Variants in MMP16 observed in about 807,000 individuals in gnomAD.
MMP16 encodes matrix metalloproteinase-16.
A neutral mutation model predicts 67.8 loss-of-function variants in MMP16; 12 were observed. The observed-to-expected ratio is 0.18, with a 90% CI of 0.11 to 0.29. The LOEUF (loss-of-function observed/expected upper bound fraction) is 0.29. Among genes scored for constraint, MMP16 ranks in the 10% least tolerant of loss-of-function variants. The probability of loss-of-function intolerance (pLI) is 1.00; values close to 1 mark genes in which losing one functional copy is unlikely to be tolerated. For missense variants in MMP16, 475 were observed against 765.7 expected (o/e 0.62, Z 4.48); for synonymous variants, 249 against 255.9 (o/e 0.97, Z 0.26).
intron 4 of MMP16, among the ~76,000 whole-genome samples, chr8:88,139,574 A>G (rs1391083234): frequency 6.6e-6 from 1 of 152,132 alleles, no homozygotes; most frequent in Non-Finnish European, 1.5e-5. Context: ...TCCACAAAAC[A>G]TGGGAAAAGC....
At chr8:88,116,397 A>C in intron 6 of MMP16, 110 bp downstream of exon 6, 2 of 933,110 alleles carry the variant, frequency 2.1e-6, no homozygotes, top group Non-Finnish European at 3.2e-6. Context: ...TGAACTTTCT[A>C]ACTGTGAGAG....
intron 1 of MMP16, among the ~76,000 whole-genome samples, chr8:88,294,414 A>G (rs1810976043): frequency 7.0e-6 from 1 of 141,964 alleles, no homozygotes; most frequent in South Asian, 2.2e-4. Context: ...ATACATATAT[A>G]CACATATATA....
intron 3 of MMP16, among the ~76,000 whole-genome samples, chr8:88,178,600 C>T (rs1010949619): frequency 6.6e-6 from 1 of 152,072 alleles, no homozygotes; most frequent in African/African-American, 2.4e-5. Flanking sequence ...TTTTCTTACT[C>T]ACCTTATGTG....
At chr8:88,304,838 A>C (rs922628779) in intron 1 of MMP16, among the ~76,000 whole-genome samples, 23 of 152,214 alleles carry the variant, frequency 1.5e-4, no homozygotes, top group African/African-American at 5.6e-4. Flanking sequence ...AGCCACTTAA[A>C]AAACACCCTA....
chr8:88,104,915 T>C (rs1284268386), intron 6 of MMP16, among the ~76,000 whole-genome samples: 2 of 151,456 alleles, frequency 1.3e-5, no homozygotes, highest in South Asian at 2.1e-4. Flanking sequence ...AAAAAGCTTA[T>C]AGAAGTAAAG....
chr8:88,115,196 A>C (rs1809407716), intron 6 of MMP16, among the ~76,000 whole-genome samples: 2 of 152,074 alleles, frequency 1.3e-5, no homozygotes, highest in African/African-American at 4.8e-5. Flanking sequence ...CCAACCCTTC[A>C]GTTTTCATCA....
At chr8:88,116,987 A>G (rs1329646894) in intron 5 of MMP16, among the ~76,000 whole-genome samples, 2 of 152,080 alleles carry the variant, frequency 1.3e-5, no homozygotes, top group African/African-American at 4.8e-5. Context: ...TCATAGCTTC[A>G]CCACAGTTAT....
intron 4 of MMP16, among the ~76,000 whole-genome samples, chr8:88,148,902 G>C (rs4961079): frequency 2.9e-4 from 44 of 152,270 alleles, no homozygotes; most frequent in South Asian, 8.3e-4. Context: ...AGCTCCCAGC[G>C]TGAGCGACGC....
intron 1 of MMP16, among the ~76,000 whole-genome samples, chr8:88,313,844 A>G (rs1253916506): frequency 6.6e-6 from 1 of 152,160 alleles, no homozygotes; most frequent in Non-Finnish European, 1.5e-5. Flanking sequence ...GGCAGCAGGC[A>G]AAGAGAGAGC....
Position 88,291,402 on chromosome 8 carries a change from T to C in MMP16, c.132+35673A>G, listed in dbSNP as rs59246356. Among the ~76,000 whole-genome samples, 604 of 152,292 alleles carry C rather than the reference T, an allele frequency of 4.0e-3. 5 individuals carry two copies. The highest frequency in any genetic ancestry group is 0.013 in the African/African-American group (557 of 41,558). On this transcript the variant is annotated intron_variant, in intron 1 of 9. Coordinates refer to ENST00000286614, the MANE Select transcript of MMP16 (RefSeq NM_005941.5). Reference sequence around the variant, plus strand: ...AAGCCCAAATTAACATAGAATACCCTTGTGTGACAAAACCAGTAGCTACTA... The same window carrying C: ...AAGCCCAAATTAACATAGAATACCCCTGTGTGACAAAACCAGTAGCTACTA...
chr8:88,072,159 G>A (rs1282163240), intron 7 of MMP16, among the ~76,000 whole-genome samples: 1 of 152,114 alleles, frequency 6.6e-6, no homozygotes, highest in Non-Finnish European at 1.5e-5. Context: ...GATGAGGAAT[G>A]ATGTGGTTAT....
At chr8:88,141,006 G>T (rs1215443281) in intron 4 of MMP16, among the ~76,000 whole-genome samples, 1 of 151,994 alleles carries the variant, frequency 6.6e-6, no homozygotes, top group Non-Finnish European at 1.5e-5. Flanking sequence ...ATATTTTTGT[G>T]GAACAGAATA....
At chr8:88,108,845 C>G (rs1809286121) in intron 6 of MMP16, among the ~76,000 whole-genome samples, 1 of 151,346 alleles carries the variant, frequency 6.6e-6, no homozygotes, top group African/African-American at 2.4e-5. Context: ...TGGTAAATCT[C>G]TCCATTTATC....
rs189264182 is a variant in MMP16, at chr8:88,166,936, C to T, written c.709+733G>A. 2.7e-3 allele frequency among the ~76,000 whole-genome samples: 411 copies of T among 151,806 alleles called. 3 individuals are homozygous for T. The highest frequency in any genetic ancestry group is 8.9e-3 in the African/African-American group (370 of 41,420). On this transcript the variant is annotated intron_variant, in intron 4 of 9. Transcript: ENST00000286614. ...ACTAGGCTGAATGTGGTGGCTCATGCCTGTAACCCCAGCACTTTGTGACTC... is the reference window on the plus strand; with the variant it reads ...ACTAGGCTGAATGTGGTGGCTCATGTCTGTAACCCCAGCACTTTGTGACTC...
Position 88,071,774 on chromosome 8 carries a change from G to A in MMP16, c.1222+2831C>T, listed in dbSNP as rs577992060. ...AGACAACAAACTATGACCATAGCCT[G>A]CTTCTGTATGGCCCATGATCTAAGA... On this transcript the variant is annotated intron_variant, in intron 7 of 9. Coordinates refer to ENST00000286614, the MANE Select transcript of MMP16 (RefSeq NM_005941.5). Among the ~76,000 whole-genome samples, 4 of 152,190 alleles carry A rather than the reference G, an allele frequency of 2.6e-5. No individual in the cohort carries two copies. In the South Asian group the frequency reaches 8.3e-4, roughly 32 times the overall value.
intron 7 of MMP16, among the ~76,000 whole-genome samples, chr8:88,068,636 A>G (rs943895525): frequency 6.6e-6 from 1 of 152,064 alleles, no homozygotes; most frequent in African/African-American, 2.4e-5. Context: ...ACTTGTCCAT[A>G]TATGTTTTGA....
chr8:88,067,214 C>G (rs996746953), intron 7 of MMP16, among the ~76,000 whole-genome samples: 3 of 152,066 alleles, frequency 2.0e-5, no homozygotes, highest in Admixed American at 2.0e-4. Context: ...ATGAATGCAT[C>G]TCAGCTATGA....
chr8:88,225,247 T>C (rs1027743851), intron 1 of MMP16, among the ~76,000 whole-genome samples: 8 of 152,014 alleles, frequency 5.3e-5, no homozygotes, highest in Admixed American at 3.3e-4. Context: ...CTCACACTAA[T>C]ATTATTTATT....
At chr8:88,130,138 T>A (rs1290746823) in intron 4 of MMP16, among the ~76,000 whole-genome samples, 1 of 151,830 alleles carries the variant, frequency 6.6e-6, no homozygotes, top group Non-Finnish European at 1.5e-5. Context: ...CTTGATAAAT[T>A]ATCCTTAATG....
Sources: allele counts gnomAD v4.1 joint callset (sites outside exome capture counted in the v4.1 genomes callset), GRCh38; gene constraint gnomAD v4.1.1; transcripts MANE v1.5; gene names NCBI Gene and HGNC (gene_info 2026-07-23, HGNC 2026-07-21).